ZNF79: variants seen among roughly 807,000 people sequenced by gnomAD.
ZNF79 encodes the protein zinc finger protein 79, also known as ZNFpT7.
Under a neutral mutation model 14.9 loss-of-function variants are expected in ZNF79, and 13 were observed. That is an observed-to-expected ratio of 0.87 (90% CI 0.57 to 1.38). The LOEUF is 1.38. Ranked by LOEUF, ZNF79 falls within the 40% of genes most tolerant of loss-of-function variation. ZNF79 has a pLI of 0.00. For missense variants in ZNF79, 631 were observed against 630.6 expected, an observed-to-expected ratio of 1.00 and a Z score of -0.01; for synonymous variants, 223 against 235.1, an observed-to-expected ratio of 0.95 and a Z score of 0.47.
chr9:127,445,147 C>T lies in ZNF79; in HGVS notation c.1447C>T (p.Arg483Trp), dbSNP rs768008576. 9.3e-6 allele frequency: 15 copies of T among 1,614,038 alleles called. No individual in the cohort carries two copies. The highest frequency in any genetic ancestry group is 4.5e-5 in the East Asian group (2 of 44,898). ...YECSECGKAF[R>W]CSSAFVRHQR... ...ATGCAGCGAGTGTGGGAAGGCCTTC[C>T]GGTGCAGCTCTGCCTTCGTTAGACA... The change falls in exon 5 of 5, where the codon CGG becomes TGG. Residue 483 changes from arginine (R) to tryptophan (W), a missense_variant. Arg to Trp is a moderately radical substitution (Grantham distance 101). Transcript: ENST00000342483.
chr9:127,426,954 G>A (rs948788045), intron 1 of ZNF79, among the ~76,000 whole-genome samples: 3 of 152,088 alleles, frequency 2.0e-5, no homozygotes. Flanking sequence ...ATCAACACTT[G>A]TTATTCTCCA....
chr9:127,444,420 G>A lies in ZNF79; in HGVS notation c.720G>A (p.Gln240=). The A allele has an allele frequency of 6.2e-7, 1 of 1,612,602 alleles. No homozygotes were observed. The highest frequency in any genetic ancestry group is 8.5e-7 in the Non-Finnish European group (1 of 1,178,878). ...AGAGCTCATCTCTCATTCAGCACCA[G>A]AGGATTCACACTGGAGAGAAGCCTT... ...FSQSSSLIQH[Q]RIHTGEKPYK... is the part of the protein sequence containing the mutation. Residue 240 remains glutamine, a synonymous_variant, in exon 5 of 5, where the codon CAG becomes CAA. Coordinates refer to ENST00000342483, the MANE Select transcript of ZNF79 (RefSeq NM_007135.3).
In ZNF79 at chr9:127,424,593, G is replaced by C. The variant is rs1371680153; in HGVS notation, c.-195G>C. 22 of 639,228 alleles carry C rather than the reference G, an allele frequency of 3.4e-5. No homozygotes were observed. In the East Asian group the frequency reaches 6.6e-4, roughly 19 times the overall value. The allele number at this position is 639,228 out of a possible 1,614,324, so 39.6% of individuals were successfully genotyped here. A position where few individuals can be genotyped will look rare whatever the true frequency, so the allele number is the denominator to read the frequency against. ...ACTCGGGAGACGGAGTGGAACACCC[G>C]GCTGGGCAGGCCCGGACAGCTCCCG... On this transcript the variant is annotated 5_prime_UTR_variant, in exon 1 of 5. Coordinates refer to ENST00000342483, the MANE Select transcript of ZNF79 (RefSeq NM_007135.3).
At chr9:127,443,271 C>A (rs1453200340) in intron 4 of ZNF79, among the ~76,000 whole-genome samples, 1 of 151,976 alleles carries the variant, frequency 6.6e-6, no homozygotes, top group Non-Finnish European at 1.5e-5. Flanking sequence ...CAAAATTACC[C>A]AGGCATGGTG....
At chr9:127,443,104 C>G (rs1588078621) in intron 4 of ZNF79, among the ~76,000 whole-genome samples, 1 of 152,086 alleles carries the variant, frequency 6.6e-6, no homozygotes, top group Admixed American at 6.5e-5. Context: ...TTACAGATAA[C>G]TTTGTTGTAG....
rs13292096 is a variant in ZNF79 at position 127,428,907 on chromosome 9, C to T, written c.92C>T (p.Thr31Ile). The T allele has an allele frequency of 0.59, 933,124 of 1,592,550 alleles. 276,280 individuals are homozygous for T. Among genetic ancestry groups the T allele is most frequent in the Admixed American group, 0.66 (38,386 of 58,256 alleles). ...GAAGGAATGGCTGCTGGTCTCCTCA[C>T]AGCTGGGCCCCGGGTAAGTTGGAAA... ...GEEGMAAGLL[T>I]AGPRGSTFFS... The change falls in exon 2 of 5, where the codon ACA (threonine) becomes ATA (isoleucine). Residue 31 changes from threonine to isoleucine, a missense_variant. Physicochemically the swap from Thr to Ile is moderately conservative, Grantham distance 89. Coordinates refer to ENST00000342483, the MANE Select transcript of ZNF79 (RefSeq NM_007135.3).
chr9:127,444,410 T>G lies in ZNF79; in HGVS notation c.710T>G (p.Ile237Ser). The change falls in exon 5 of 5, where the codon ATT becomes AGT. Residue 237 changes from isoleucine to serine, a missense_variant. Physicochemically the swap from Ile to Ser is moderately radical, Grantham distance 142 (BLOSUM62 -2). Coordinates refer to ENST00000342483, the MANE Select transcript of ZNF79 (RefSeq NM_007135.3). Reference protein sequence around the residue: ...GKAFSQSSSLIQHQRIHTGEK... With the variant: ...GKAFSQSSSLSQHQRIHTGEK... ...GCCTTCAGCCAGAGCTCATCTCTCA[T>G]TCAGCACCAGAGGATTCACACTGGA... 6.2e-7 allele frequency: 1 copy of G among 1,611,424 alleles called. No homozygotes were observed. Among genetic ancestry groups the G allele is most frequent in the African/African-American group, 1.3e-5 (1 of 74,642 alleles).
intron 1 of ZNF79, among the ~76,000 whole-genome samples, chr9:127,426,038 G>A (rs1033721575): frequency 6.6e-6 from 1 of 152,226 alleles, no homozygotes; most frequent in Non-Finnish European, 1.5e-5. Context: ...GAAAGGAAGT[G>A]CTGTCAGGTT....
intron 2 of ZNF79, among the ~76,000 whole-genome samples, chr9:127,434,432 T>C (rs1315452540): frequency 6.6e-6 from 1 of 152,248 alleles, no homozygotes; most frequent in Non-Finnish European, 1.5e-5. Context: ...TTCTTCACTG[T>C]ATCAACTCAC....
At chr9:127,443,016 A>C (rs1009954694) in intron 4 of ZNF79, among the ~76,000 whole-genome samples, 2 of 152,228 alleles carry the variant, frequency 1.3e-5, no homozygotes, top group Admixed American at 1.3e-4. Flanking sequence ...TTCAGGGGCA[A>C]TAACAAGCAC....
At chr9:127,442,799 C>T (rs1049524222) in intron 4 of ZNF79, among the ~76,000 whole-genome samples, 5 of 151,708 alleles carry the variant, frequency 3.3e-5, no homozygotes, top group Non-Finnish European at 7.4e-5. Flanking sequence ...GAGGTCGAGG[C>T]TGCAGTGAGC....
chr9:127,428,938 T>G lies in ZNF79; in HGVS notation c.105+18T>G. 6.5e-7 allele frequency: 1 copy of G among 1,542,312 alleles called. No homozygotes were observed. The highest frequency in any genetic ancestry group is 8.8e-7 in the Non-Finnish European group (1 of 1,137,128). ...GGCCCCGGGTAAGTTGGAAATTAAC[T>G]TTGGAAGGCATCCTTTTCTTCCCCC... On this transcript the variant is annotated intron_variant, in intron 2 of 4. Transcript: ENST00000342483.
In ZNF79 at chr9:127,430,934, C is replaced by T. The variant is rs546657432; in HGVS notation, c.105+2014C>T. ...CCTTTCCCTTTTCTCTGCAGCCTCG[C>T]CAGCATCTGTTATTTTTTACTTTGT... is the stretch of plus-strand genomic sequence containing the variant. On this transcript the variant is annotated intron_variant, in intron 2 of 4. Transcript: ENST00000342483. Among the ~76,000 whole-genome samples, 10 of 152,274 alleles carry T rather than the reference C, an allele frequency of 6.6e-5. No individual in the cohort carries two copies. In the South Asian group the frequency reaches 2.1e-3, roughly 32 times the overall value.
At chr9:127,424,990 C>A in intron 1 of ZNF79, 187 bp downstream of exon 1, 1 of 1,439,496 alleles carries the variant, frequency 6.9e-7, no homozygotes, top group Non-Finnish European at 9.2e-7. Flanking sequence ...CCCCTACAGT[C>A]CTTTTTTGAG....
At chr9:127,435,537 C>A (rs930880918) in intron 3 of ZNF79, among the ~76,000 whole-genome samples, 14 of 152,176 alleles carry the variant, frequency 9.2e-5, no homozygotes, top group Non-Finnish European at 1.3e-4. Context: ...CCTGGCTTGA[C>A]CCCTCCTTGA....
At chr9:127,437,620 G>A (rs564165103) in intron 4 of ZNF79, among the ~76,000 whole-genome samples, 18 of 151,556 alleles carry the variant, frequency 1.2e-4, no homozygotes, top group Non-Finnish European at 2.4e-4. Context: ...GTCTGAAACT[G>A]AGGTGTCAGC....
chr9:127,445,148 G>T lies in ZNF79; in HGVS notation c.1448G>T (p.Arg483Leu). Residue 483 changes from arginine to leucine, a missense_variant, in exon 5 of 5, where the codon CGG (arginine) becomes CTG (leucine). Coordinates refer to ENST00000342483, the MANE Select transcript of ZNF79 (RefSeq NM_007135.3). ...TGCAGCGAGTGTGGGAAGGCCTTCCGGTGCAGCTCTGCCTTCGTTAGACAT... is the reference window on the plus strand; with the variant it reads ...TGCAGCGAGTGTGGGAAGGCCTTCCTGTGCAGCTCTGCCTTCGTTAGACAT... ...YECSECGKAF[R>L]CSSAFVRHQR... 1.9e-6 allele frequency: 3 copies of T among 1,614,184 alleles called. No individual in the cohort carries two copies. Among genetic ancestry groups the T allele is most frequent in the Non-Finnish European group, 2.5e-6 (3 of 1,180,040 alleles).
In ZNF79 at chr9:127,435,162, C is replaced by T. The variant is rs137885170; in HGVS notation, c.178C>T (p.Arg60Trp). 8.1e-5 allele frequency: 130 copies of T among 1,613,154 alleles called. No homozygotes were observed. The East Asian group carries it at 2.0e-3, about 24-fold the overall frequency. Residue 60 changes from arginine (R) to tryptophan (W), a missense_variant, in exon 3 of 5, where the codon CGG becomes TGG. Coordinates refer to ENST00000342483, the MANE Select transcript of ZNF79 (RefSeq NM_007135.3). ...GTGGAGGTGCCTCGTGTCTACTCCA[C>T]GGGACAGGTTCAAGGAGGGGATACC... ...ERWRCLVSTP[R>W]DRFKEGIPGK...
chr9:127,431,931 A>G (rs998515614), intron 2 of ZNF79, among the ~76,000 whole-genome samples: 12 of 152,050 alleles, frequency 7.9e-5, no homozygotes, highest in East Asian at 7.7e-4. Context: ...TTCTGGGTCT[A>G]TGTGTCTGTT....
Sources: gnomAD v4.1 joint callset for allele counts (sites outside exome capture counted in the v4.1 genomes callset) on GRCh38, gnomAD v4.1.1 for gene constraint, MANE v1.5 for transcripts, NCBI Gene and HGNC (gene_info 2026-07-23, HGNC 2026-07-21) for gene names.